The following ATG3 variants were observed in gnomAD, a reference collection of about 807,000 sequenced individuals.
The protein encoded by ATG3 is ubiquitin-like-conjugating enzyme ATG3.
ATG3 carries 25 observed loss-of-function variants against 50.7 expected under a neutral mutation model. The observed-to-expected ratio is 0.49, with a 90% confidence interval of 0.36 to 0.69. The LOEUF is 0.69. Among genes scored for constraint, ATG3 ranks in the 30% least tolerant of loss-of-function variants. ATG3 has a pLI of 0.00. For missense variants in ATG3, 281 were observed against 376.0 expected (o/e 0.75, Z 2.09); for synonymous variants, 119 against 125.5 (o/e 0.95, Z 0.34).
At position 112,533,257 on chromosome 3, in the gene ATG3, G is replaced by A. The variant is rs142150006; in HGVS notation, c.864-477C>T. ...GCCAAAGACTGAGCTCTACTGGACT[G>A]TCTTTAATTAAATTCTGAAATTTTT... is the stretch of plus-strand genomic sequence containing the variant. On this transcript the variant is annotated intron_variant, in intron 11 of 11. Transcript: ENST00000283290. 341 of 984,830 alleles carry A rather than the reference G, an allele frequency of 3.5e-4. No individual in the cohort carries two copies. The African/African-American group carries it at 5.2e-3, about 15-fold the overall frequency. 61.0% of individuals were successfully genotyped at this position (984,830 alleles called of 1,614,324 possible).
intron 4 of ATG3, among the ~76,000 whole-genome samples, chr3:112,549,501 T>G (rs993126690): frequency 2.0e-5 from 3 of 152,140 alleles, no homozygotes; most frequent in African/African-American, 7.2e-5. Flanking sequence ...TAAATTTAAC[T>G]TCATAAATAA....
chr3:112,540,371 T>A (rs916474798), intron 7 of ATG3, among the ~76,000 whole-genome samples: 3 of 152,220 alleles, frequency 2.0e-5, no homozygotes, highest in African/African-American at 7.2e-5. Context: ...ACACAATCTA[T>A]CTCACTCTAA....
In ATG3 at chr3:112,548,561, G is replaced by C; in HGVS notation, c.315C>G (p.Gly105=). 1 of 1,613,212 alleles carries C rather than the reference G, an allele frequency of 6.2e-7. No homozygotes were observed. Among genetic ancestry groups the C allele is most frequent in the Non-Finnish European group, 8.5e-7 (1 of 1,179,452 alleles). Residue 105 remains glycine, a synonymous_variant, in exon 5 of 12, where the codon GGC becomes GGG. Transcript: ENST00000283290. ...EAIIEEDDGD[G]GWVDTYHNTG... ...TGTTGTGATATGTATCTACCCATCC[G>C]CCATCACCATCATCTTCTTCAATGA...
At position 112,532,710 on chromosome 3, in the gene ATG3, A is replaced by C. The variant is rs2082564747; in HGVS notation, c.934T>G (p.Phe312Val). The C allele has an allele frequency of 6.3e-7, 1 of 1,586,678 alleles. No homozygotes were observed. Among genetic ancestry groups the C allele is most frequent in the African/African-American group, 1.4e-5 (1 of 73,840 alleles). The change falls in exon 12 of 12, where the codon TTC becomes GTC. Residue 312 changes from phenylalanine to valine, a missense_variant. Physicochemically the swap from Phe to Val is conservative, Grantham distance 50. Transcript: ENST00000283290. ...TTATGCTCTCTTCATTACATTGTGA[A>C]GTGTCTTGTGTAGTCATATTCTATT... ...PTIEYDYTRH[F>V]TM
intron 5 of ATG3, among the ~76,000 whole-genome samples, chr3:112,547,715 C>T (rs1933407283): frequency 6.6e-6 from 1 of 152,228 alleles, no homozygotes; most frequent in South Asian, 2.1e-4. Context: ...TACTGAACAA[C>T]TTCTACATCA....
intron 3 of ATG3, among the ~76,000 whole-genome samples, chr3:112,551,481 G>A (rs1179262021): frequency 6.6e-6 from 1 of 152,098 alleles, no homozygotes; most frequent in Non-Finnish European, 1.5e-5. Context: ...CTGAAGTGGG[G>A]TATAATTCAG....
intron 3 of ATG3, 118 bp downstream of exon 3, chr3:112,553,162 T>C: frequency 1.2e-6 from 1 of 817,206 alleles, no homozygotes; most frequent in Non-Finnish European, 2.0e-6. Context: ...AAGAATCTGC[T>C]GGGGGGAAAG....
Position 112,534,288 on chromosome 3 carries a change from C to T in ATG3, c.844G>A (p.Gly282Arg). ...KIIETVAEGG[G>R]ELGVHMYLLI... ...GGATACATATGAACTCCAAGTTCTC[C>T]CCCTCCTTCTGCAACAGTCTCAATG... Residue 282 changes from glycine to arginine, a missense_variant, in exon 11 of 12, where the codon GGA becomes AGA. This residue lies in a region of ATG3 where 242 missense variants were observed against 305.0 expected (regional missense o/e 0.79). Transcript: ENST00000283290. 2.5e-6 allele frequency: 4 copies of T among 1,600,852 alleles called. No homozygotes were observed. Among genetic ancestry groups the T allele is most frequent in the Non-Finnish European group, 3.4e-6 (4 of 1,174,024 alleles).
Position 112,550,586 on chromosome 3 carries a change from C to T in ATG3, c.165-324G>A, listed in dbSNP as rs549894855. 1.1e-4 allele frequency among the ~76,000 whole-genome samples: 16 copies of T among 152,294 alleles called. No individual in the cohort carries two copies. The South Asian group carries it at 3.3e-3, about 32-fold the overall frequency. The stretch of plus-strand genomic sequence containing the variant: ...CTAAACAACAATAAAATATGCTGCT[C>T]CTCAGTGAGTTGTAGCCCACTGTAT... On this transcript the variant is annotated intron_variant, in intron 3 of 11. Transcript: ENST00000283290.
At chr3:112,536,954 A>G (rs1451372746) in intron 9 of ATG3, among the ~76,000 whole-genome samples, 1 of 121,508 alleles carries the variant, frequency 8.2e-6, no homozygotes, top group Non-Finnish European at 1.7e-5. Flanking sequence ...AAAAAAAAAA[A>G]AAAAAAAAGA....
chr3:112,538,520 A>T (rs1474782407), intron 7 of ATG3, among the ~76,000 whole-genome samples: 1 of 152,196 alleles, frequency 6.6e-6, no homozygotes, highest in African/African-American at 2.4e-5. Flanking sequence ...TAATTGACCT[A>T]TCAGGAACAT....
At chr3:112,556,530 A>G in intron 2 of ATG3, among the ~76,000 whole-genome samples, 2 of 152,316 alleles carry the variant, frequency 1.3e-5, no homozygotes, top group Non-Finnish European at 2.9e-5. Flanking sequence ...AGGTGTACTC[A>G]ACAGCTCATT....
intron 7 of ATG3, among the ~76,000 whole-genome samples, chr3:112,541,159 G>A (rs1380958891): frequency 6.6e-6 from 1 of 152,128 alleles, no homozygotes; most frequent in Non-Finnish European, 1.5e-5. Context: ...GGAGGCCGAG[G>A]TGGGCGATCA....
At chr3:112,550,085 G>C in intron 4 of ATG3, 107 bp downstream of exon 4, 1 of 692,296 alleles carries the variant, frequency 1.4e-6, no homozygotes, top group South Asian at 2.1e-5. Context: ...ATAACAGAAA[G>C]AGGTGATAAA....
chr3:112,542,240 G>A (rs969523453), intron 6 of ATG3, among the ~76,000 whole-genome samples: 1 of 151,966 alleles, frequency 6.6e-6, no homozygotes, highest in Admixed American at 6.6e-5. Context: ...CACTTATAAG[G>A]GGAAAAAGTG....
At chr3:112,541,781 A>G (rs1933235077) in intron 7 of ATG3, 22 bp downstream of exon 7, 1 of 1,580,478 alleles carries the variant, frequency 6.3e-7, no homozygotes, top group East Asian at 2.2e-5. Flanking sequence ...GTGGAACTGA[A>G]GCAAATCTAG....
chr3:112,539,012 A>G (rs1409038338), intron 7 of ATG3, among the ~76,000 whole-genome samples: 1 of 152,140 alleles, frequency 6.6e-6, no homozygotes, highest in Admixed American at 6.5e-5. Context: ...CACTTGTCAC[A>G]TATGACATCC....
At chr3:112,544,353 T>A (rs1304992201) in intron 5 of ATG3, among the ~76,000 whole-genome samples, 1 of 152,134 alleles carries the variant, frequency 6.6e-6, no homozygotes, top group African/African-American at 2.4e-5. Flanking sequence ...TCACAACACT[T>A]TCTGAGAAAC....
At chr3:112,548,870 C>G (rs1263711609) in intron 4 of ATG3, among the ~76,000 whole-genome samples, 1 of 152,190 alleles carries the variant, frequency 6.6e-6, no homozygotes, top group Non-Finnish European at 1.5e-5. Flanking sequence ...AGTAGAAAAG[C>G]TCTATTGGGA....
Sources: allele counts gnomAD v4.1 joint callset (sites outside exome capture counted in the v4.1 genomes callset), GRCh38; gene constraint gnomAD v4.1.1; regional missense constraint gnomAD v4.1.1; transcripts MANE v1.5; gene names NCBI Gene and HGNC (gene_info 2026-07-23, HGNC 2026-07-21).